The following THBD variants were observed in gnomAD, a reference collection of about 807,000 sequenced individuals.
THBD encodes the protein CD141 antigen.
For synonymous variants in THBD, 449 were observed against 374.2 expected (o/e 1.20, Z -2.31); for missense variants, 850 against 816.9 (o/e 1.04, Z -0.49).
rs1394957806 is a variant in THBD, at chr20:23,046,814, C to CA, written c.*962dup. 6.6e-6 allele frequency: 1 copy of CA among 152,104 alleles called. No homozygotes were observed. The highest frequency in any genetic ancestry group is 6.5e-5 in the Admixed American group (1 of 15,268). 9.4% of individuals were successfully genotyped at this position (152,104 alleles called of 1,614,324 possible). A position where few individuals can be genotyped will look rare whatever the true frequency, so the allele number is the denominator to read the frequency against. On this transcript the variant is annotated 3_prime_UTR_variant, in exon 1 of 1. Transcript: ENST00000377103. ...ACCTTCTGAACATTTTCAACACTGT[C>CA]AAAAATAAGTAATAATAACAAAAAA...
rs1426847961 is a variant in THBD at position 23,047,711 on chromosome 20, G to A, written c.*66C>T. 8 of 1,510,058 alleles carry A rather than the reference G, an allele frequency of 5.3e-6. No homozygotes were observed. In the East Asian group the frequency reaches 9.9e-5, roughly 19 times the overall value. The allele number at this position is 1,510,058 out of a possible 1,614,324, so 93.5% of individuals were successfully genotyped here. The stretch of plus-strand genomic sequence containing the variant: ...CTGTAATGCCAGCTAAGGTGCTTTG[G>A]TAGCAAAGCTGGGGGTGAGGAGGCA... On this transcript the variant is annotated 3_prime_UTR_variant, in exon 1 of 1. Transcript: ENST00000377103.
At position 23,048,562 on chromosome 20, in the gene THBD, G is replaced by A. The variant is rs996281789; in HGVS notation, c.943C>T (p.Arg315Trp). 17 of 1,599,978 alleles carry A rather than the reference G, an allele frequency of 1.1e-5. No individual in the cohort carries two copies. Among genetic ancestry groups the A allele is most frequent in the African/African-American group, 5.3e-5 (4 of 74,936 alleles). Residue 315 changes from arginine (R) to tryptophan (W), a missense_variant, in exon 1 of 1, where the codon CGG becomes TGG. Arg to Trp is a moderately radical substitution (Grantham distance 101). Transcript: ENST00000377103. ...CACCGGTGTTGGTCGGCCGCCAGCC[G>A]GTAGCCGGTCTCGCACATGCACGAG... Reference protein sequence around the residue: ...SYSCMCETGYRLAADQHRCED... With the variant: ...SYSCMCETGYWLAADQHRCED...
Position 23,049,527 on chromosome 20 carries a change from A to T in THBD, c.-23T>A, listed in dbSNP as rs1984688767. The stretch of plus-strand genomic sequence containing the variant: ...CATGTTACCCAGGCGCGCCGCGTGC[A>T]GGCGCCGGGGAAAGCGCGGGCACTG... On this transcript the variant is annotated 5_prime_UTR_variant, in exon 1 of 1. Coordinates refer to ENST00000377103, the MANE Select transcript of THBD (RefSeq NM_000361.3). 3.9e-6 allele frequency: 6 copies of T among 1,532,406 alleles called. No homozygotes were observed. Among genetic ancestry groups the T allele is most frequent in the Non-Finnish European group, 5.3e-6 (6 of 1,138,144 alleles). 94.9% of individuals were successfully genotyped at this position (1,532,406 alleles called of 1,614,324 possible). A position where few individuals can be genotyped will look rare whatever the true frequency, so the allele number is the denominator to read the frequency against.
rs890228147 is a variant in THBD at position 23,048,604 on chromosome 20, C to A, written c.901G>T (p.Asp301Tyr). Reference protein sequence around the residue: ...LCEHFCVPNPDQPGSYSCMCE... With the variant: ...LCEHFCVPNPYQPGSYSCMCE... ...ATGCACGAGTAGGAGCCCGGCTGGT[C>A]GGGGTTGGGAACGCAGAAGTGCTCG... The change falls in exon 1 of 1, where the codon GAC becomes TAC. Residue 301 changes from aspartate (D) to tyrosine (Y), a missense_variant. Transcript: ENST00000377103. The A allele has an allele frequency of 3.1e-6, 5 of 1,598,380 alleles. No individual in the cohort carries two copies. Among genetic ancestry groups the A allele is most frequent in the East Asian group, 2.2e-5 (1 of 44,830 alleles).
rs1462153039 is a variant in THBD, at chr20:23,045,667, T to A, written c.*2110A>T. The A allele has an allele frequency of 6.6e-6, 1 of 152,200 alleles. No homozygotes were observed. Among genetic ancestry groups the A allele is most frequent in the Non-Finnish European group, 1.5e-5 (1 of 68,040 alleles). 9.4% of individuals were successfully genotyped at this position (152,200 alleles called of 1,614,324 possible). On this transcript the variant is annotated 3_prime_UTR_variant, in exon 1 of 1. Transcript: ENST00000377103. ...CCAGATGCCCCAGGAAGGGTTTATTTAATTCATTCCAACAAATGATCCTAT... is the reference window on the plus strand; with the variant it reads ...CCAGATGCCCCAGGAAGGGTTTATTAAATTCATTCCAACAAATGATCCTAT...
Position 23,047,819 on chromosome 20 carries a change from C to G in THBD, c.1686G>C (p.Val562=). The G allele has an allele frequency of 1.3e-6, 2 of 1,598,918 alleles. No homozygotes were observed. The highest frequency in any genetic ancestry group is 1.7e-6 in the Non-Finnish European group (2 of 1,173,234). ...TCCGCTCGGTCCGCACGTGCTGCAG[C>G]ACTACCTCCTTGGAAGGGGCCGCGC... ...YKCAAPSKEV[V]LQHVRTERTP... is the part of the protein sequence containing the mutation. Residue 562 remains valine, a synonymous_variant, in exon 1 of 1, where the codon GTG becomes GTC. Transcript: ENST00000377103.
At position 23,048,091 on chromosome 20, in the gene THBD, G is replaced by C. The variant is rs1443161872; in HGVS notation, c.1414C>G (p.Leu472Val). ...CAGTCGGTGCCAATGTGGCGGGCAAGGGCCGAGTCGGGCCCGCAGATGCAC... is the reference window on the plus strand; with the variant it reads ...CAGTCGGTGCCAATGTGGCGGGCAACGGCCGAGTCGGGCCCGCAGATGCAC... Reference protein sequence around the residue: ...FECICGPDSALARHIGTDCDS... With the variant: ...FECICGPDSAVARHIGTDCDS... The change falls in exon 1 of 1, where the codon CTT becomes GTT. Residue 472 changes from leucine to valine, a missense_variant. Transcript: ENST00000377103. 3.1e-6 allele frequency: 5 copies of C among 1,612,328 alleles called. No homozygotes were observed. In the Admixed American group the frequency reaches 6.7e-5, roughly 22 times the overall value.
In THBD at chr20:23,048,820, C is replaced by A. The variant is rs1409265464; in HGVS notation, c.685G>T (p.Gly229Ter). ...CTGGCCCAGTGCCCCTGGACCGCTC[C>A]GGGCGGCGCGGTGCACATTAGCTGT... ...GLQLMCTAPPGAVQGHWAREA... is the reference protein window; with the variant it reads ...GLQLMCTAPP Residue 229 changes from glycine to a stop codon, truncating the protein, a stop_gained, in exon 1 of 1, where the codon GGA becomes TGA. Transcript: ENST00000377103. LOFTEE classifies it low-confidence loss of function (END_TRUNC). 6.6e-7 allele frequency: 1 copy of A among 1,517,854 alleles called. No homozygotes were observed. The highest frequency in any genetic ancestry group is 8.8e-7 in the Non-Finnish European group (1 of 1,138,040). 94.0% of individuals were successfully genotyped at this position (1,517,854 alleles called of 1,614,324 possible). A position where few individuals can be genotyped will look rare whatever the true frequency, so the allele number is the denominator to read the frequency against.
In THBD at chr20:23,047,458, G is replaced by A; in HGVS notation, c.*319C>T. 1 of 479,678 alleles carries A rather than the reference G, an allele frequency of 2.1e-6. No homozygotes were observed. Among genetic ancestry groups the A allele is most frequent in the South Asian group, 3.4e-5 (1 of 29,256 alleles). The allele number at this position is 479,678 out of a possible 1,614,324, so 29.7% of individuals were successfully genotyped here. On this transcript the variant is annotated 3_prime_UTR_variant, in exon 1 of 1. Transcript: ENST00000377103. ...TCCCTAGCCCACGAGGTCAAGGTCT[G>A]CCCAGAAGGCTGCCGACCAATAACG...
chr20:23,048,461 C>G lies in THBD; in HGVS notation c.1044G>C (p.Glu348Asp). The part of the protein sequence containing the change: ...QRCVNTQGGF[E>D]CHCYPNYDLV... ...GGTCGTAGTTAGGGTAGCAGTGGCA[C>G]TCGAAGCCACCCTGTGTGTTGACAC... Residue 348 changes from glutamate (E) to aspartate (D), a missense_variant, in exon 1 of 1, where the codon GAG (glutamate) becomes GAC (aspartate). By Grantham distance (45) the Glu-to-Asp change is conservative. Transcript: ENST00000377103. 6.2e-7 allele frequency: 1 copy of G among 1,613,208 alleles called. No individual in the cohort carries two copies. Among genetic ancestry groups the G allele is most frequent in the Non-Finnish European group, 8.5e-7 (1 of 1,180,044 alleles).
In THBD at chr20:23,046,214, A is replaced by T. The variant is rs1284443059; in HGVS notation, c.*1563T>A. ...CATTCCTAGCTTAGCTGAACCAAAGACCTTGCAGACCCTGTGTGGCAGTGT... is the reference window on the plus strand; with the variant it reads ...CATTCCTAGCTTAGCTGAACCAAAGTCCTTGCAGACCCTGTGTGGCAGTGT... On this transcript the variant is annotated 3_prime_UTR_variant, in exon 1 of 1. Coordinates refer to ENST00000377103, the MANE Select transcript of THBD (RefSeq NM_000361.3). 3 of 152,602 alleles carry T rather than the reference A, an allele frequency of 2.0e-5. No individual in the cohort carries two copies. Among genetic ancestry groups the T allele is most frequent in the African/African-American group, 4.8e-5 (2 of 41,446 alleles). 9.5% of individuals were successfully genotyped at this position (152,602 alleles called of 1,614,324 possible).
chr20:23,048,380 C>G lies in THBD; in HGVS notation c.1125G>C (p.Glu375Asp). The G allele has an allele frequency of 6.2e-7, 1 of 1,614,004 alleles. No homozygotes were observed. Among genetic ancestry groups the G allele is most frequent in the East Asian group, 2.2e-5 (1 of 44,874 alleles). Residue 375 changes from glutamate (E) to aspartate (D), a missense_variant, in exon 1 of 1, where the codon GAG becomes GAC. Physicochemically the swap from Glu to Asp is conservative, Grantham distance 45. Coordinates refer to ENST00000377103, the MANE Select transcript of THBD (RefSeq NM_000361.3). The stretch of plus-strand genomic sequence containing the variant: ...TTTGGTTCAGGGGCTGGCACTGGTA[C>G]TCGCAGTTGGCTCTGAAGCACGGGT... Reference protein sequence around the residue: ...PVDPCFRANCEYQCQPLNQTS... With the variant: ...PVDPCFRANCDYQCQPLNQTS...
In THBD at chr20:23,047,360, T is replaced by G. The variant is rs1456340842; in HGVS notation, c.*417A>C. Reference sequence around the variant, plus strand: ...CCGGAGAGCTGTGCAAAGTGGATACTGGAGACATACAGGTAAGAACAAAGG... The same window carrying G: ...CCGGAGAGCTGTGCAAAGTGGATACGGGAGACATACAGGTAAGAACAAAGG... On this transcript the variant is annotated 3_prime_UTR_variant, in exon 1 of 1. Transcript: ENST00000377103. 5.3e-6 allele frequency: 1 copy of G among 187,442 alleles called. No individual in the cohort carries two copies. The highest frequency in any genetic ancestry group is 1.4e-4 in the East Asian group (1 of 7,220). The allele number at this position is 187,442 out of a possible 1,614,324, so 11.6% of individuals were successfully genotyped here.
rs754163197 is a variant in THBD, at chr20:23,048,542, G to C, written c.963C>G (p.His321Gln). The C allele has an allele frequency of 6.2e-6, 10 of 1,600,626 alleles. No homozygotes were observed. The South Asian group carries it at 1.1e-4, about 18-fold the overall frequency. ...TGCAGTCATCCACGTCCTCGCACCG[G>C]TGTTGGTCGGCCGCCAGCCGGTAGC... ...ETGYRLAADQ[H>Q]RCEDVDDCIL... The change falls in exon 1 of 1, where the codon CAC (histidine) becomes CAG (glutamine). Residue 321 changes from histidine to glutamine, a missense_variant. Coordinates refer to ENST00000377103, the MANE Select transcript of THBD (RefSeq NM_000361.3).
chr20:23,047,750 G>T lies in THBD; in HGVS notation c.*27C>A, dbSNP rs530087674. The T allele has an allele frequency of 3.2e-5, 49 of 1,545,882 alleles. No individual in the cohort carries two copies. The highest frequency in any genetic ancestry group is 3.8e-5 in the Non-Finnish European group (44 of 1,145,766). ...GGTGAGGAGGCACAGGCTCCTGGAC[G>T]GAGCCAGGCTCCTGGACGGAGGCCG... On this transcript the variant is annotated 3_prime_UTR_variant, in exon 1 of 1. Coordinates refer to ENST00000377103, the MANE Select transcript of THBD (RefSeq NM_000361.3).
chr20:23,049,655 C>A lies in THBD; in HGVS notation c.-151G>T, dbSNP rs16984852. ...TTCTTGCCGCTGCGCGCAGCCCCTG[C>A]GAGGCAGCCTCTGACATGCGGATCG... On this transcript the variant is annotated 5_prime_UTR_variant, in exon 1 of 1. Transcript: ENST00000377103. 172 of 1,067,840 alleles carry A rather than the reference C, an allele frequency of 1.6e-4. 2 individuals are homozygous for A. The East Asian group carries it at 4.0e-3, about 25-fold the overall frequency. 66.1% of individuals were successfully genotyped at this position (1,067,840 alleles called of 1,614,324 possible).
At position 23,048,294 on chromosome 20, in the gene THBD, C is replaced by A. The variant is rs1391313183; in HGVS notation, c.1211G>T (p.Cys404Phe). ...FAPIPHEPHR[C>F]QMFCNQTACP... ...GGCAGTCTGGTTGCAAAACATCTGG[C>A]ACCTGTGCGGCTCGTGGGGAATGGG... Residue 404 changes from cysteine to phenylalanine, a missense_variant, in exon 1 of 1, where the codon TGC becomes TTC. Physicochemically the swap from Cys to Phe is radical, Grantham distance 205. Coordinates refer to ENST00000377103, the MANE Select transcript of THBD (RefSeq NM_000361.3). The A allele has an allele frequency of 1.2e-6, 2 of 1,613,984 alleles. No individual in the cohort carries two copies. The highest frequency in any genetic ancestry group is 1.7e-6 in the Non-Finnish European group (2 of 1,180,044).
rs1437419244 is a variant in THBD, at chr20:23,046,529, C to T, written c.*1248G>A. The T allele has an allele frequency of 6.6e-6, 1 of 152,162 alleles. No homozygotes were observed. Among genetic ancestry groups the T allele is most frequent in the Non-Finnish European group, 1.5e-5 (1 of 68,020 alleles). 9.4% of individuals were successfully genotyped at this position (152,162 alleles called of 1,614,324 possible). ...GGCAGGGCAGCTTCCAATTCTTGTT[C>T]AGGGGCCACATTCCAAAAGGCCTCT... is the stretch of plus-strand genomic sequence containing the variant. On this transcript the variant is annotated 3_prime_UTR_variant, in exon 1 of 1. Coordinates refer to ENST00000377103, the MANE Select transcript of THBD (RefSeq NM_000361.3).
rs551028498 is a variant in THBD at position 23,047,730 on chromosome 20, G to T, written c.*47C>A. The T allele has an allele frequency of 6.5e-7, 1 of 1,534,230 alleles. No individual in the cohort carries two copies. Among genetic ancestry groups the T allele is most frequent in the South Asian group, 1.2e-5 (1 of 84,158 alleles). On this transcript the variant is annotated 3_prime_UTR_variant, in exon 1 of 1. Transcript: ENST00000377103. ...GCTTTGGTAGCAAAGCTGGGGGTGA[G>T]GAGGCACAGGCTCCTGGACGGAGCC...
Sources: gnomAD v4.1 joint callset for allele counts on GRCh38, gnomAD v4.1.1 for gene constraint, MANE v1.5 for transcripts, NCBI Gene and HGNC (gene_info 2026-07-23, HGNC 2026-07-21) for gene names.